Variants in TEX11 observed in about 807,000 individuals in gnomAD.
TEX11 encodes testis-expressed protein 11.
TEX11 carries 7 observed loss-of-function variants against 84.4 expected under a neutral mutation model. The ratio of observed to expected loss-of-function variants is 0.08; its 90% CI spans 0.05 to 0.16. The LOEUF is 0.16. TEX11 is among the 10% of genes least tolerant of loss of function. The pLI is 1.00. For missense variants in TEX11, 551 were observed against 660.5 expected (o/e 0.83, Z 1.82); for synonymous variants, 264 against 222.8 (o/e 1.18, Z -1.64).
chrX:70,552,301 T>G lies in TEX11; in HGVS notation c.2400-55A>C, dbSNP rs777206669. On this transcript the variant is annotated intron_variant, in intron 27 of 29. Transcript: ENST00000374333. ...ATAAGGAAAGAAATCATTGGCTTCATGGCTAAGATAAGTAAAACCTGGATC... is the reference window on the plus strand; with the variant it reads ...ATAAGGAAAGAAATCATTGGCTTCAGGGCTAAGATAAGTAAAACCTGGATC... The G allele has an allele frequency of 2.8e-4, 331 of 1,173,953 alleles. 1 individual carries two copies. In the African/African-American group the frequency reaches 5.6e-3, roughly 20 times the overall value.
At chrX:70,528,483 A>AT (rs141611218), downstream of TEX11, among the ~76,000 whole-genome samples, 1,227 of 96,008 alleles carry the variant, frequency 0.013, 15 homozygotes, top group African/African-American at 0.034. Context: ...ATGCCTGGCT[A>AT]TTTTTTTTTT....
the TEX11 span, among the ~76,000 whole-genome samples, chrX:70,518,654 G>C: frequency 1.8e-5 from 2 of 111,362 alleles, no homozygotes; most frequent in Admixed American, 9.6e-5. Context: ...TGGTGCAGAG[G>C]TGAGTTCAAG....
At chrX:70,526,423 G>T (rs184125821), downstream of TEX11, among the ~76,000 whole-genome samples, 2 of 110,681 alleles carry the variant, frequency 1.8e-5, no homozygotes, top group East Asian at 5.7e-4. Flanking sequence ...ACAAAAATTA[G>T]CCAGGCGTGG....
intron 9 of TEX11, among the ~76,000 whole-genome samples, chrX:70,756,767 G>A (rs967511850): frequency 3.6e-5 from 4 of 112,144 alleles, no homozygotes; most frequent in African/African-American, 1.3e-4. Context: ...TGGAGAAAGA[G>A]TTTGACAAGT....
chrX:70,679,867 C>T (rs1221387544), intron 14 of TEX11, among the ~76,000 whole-genome samples: 1 of 76,608 alleles, frequency 1.3e-5, no homozygotes, highest in Non-Finnish European at 2.6e-5. Flanking sequence ...CCGCCCCGTC[C>T]GGGAGGTGAG....
At chrX:70,823,527 A>G (rs1369478802) in intron 8 of TEX11, among the ~76,000 whole-genome samples, 2 of 111,751 alleles carry the variant, frequency 1.8e-5, no homozygotes. Flanking sequence ...CCTTAAATAC[A>G]TAATAATTTT....
chrX:70,880,565 AAAAC>A (rs200957850), intron 2 of TEX11, among the ~76,000 whole-genome samples: 41,275 of 108,300 alleles, frequency 0.38, 6,839 homozygotes, highest in East Asian at 0.55. Flanking sequence ...CCCTTTCTCT[AAAAC>A]AAACAAACAA....
chrX:70,798,031 G>GT (rs781211387), intron 9 of TEX11, among the ~76,000 whole-genome samples: 2,194 of 102,752 alleles, frequency 0.021, 32 homozygotes, highest in Middle Eastern at 0.053. Context: ...AGATGAGGGG[G>GT]GGGGAAAGGC....
intron 11 of TEX11, among the ~76,000 whole-genome samples, chrX:70,735,295 A>G (rs148337115): frequency 0.071 from 7,887 of 111,080 alleles, 235 homozygotes; most frequent in East Asian, 0.12. Context: ...CAAGTGATCC[A>G]CCCACCTCAG....
chrX:70,687,700 G>A (rs5936957), intron 13 of TEX11, among the ~76,000 whole-genome samples: 46,553 of 109,572 alleles, frequency 0.42, 8,325 homozygotes, highest in East Asian at 0.58. Flanking sequence ...ATAAAGTAGA[G>A]TTATGTGCAG....
At chrX:70,792,018 G>A (rs1329182616) in intron 9 of TEX11, among the ~76,000 whole-genome samples, 6 of 105,330 alleles carry the variant, frequency 5.7e-5, no homozygotes, top group Admixed American at 3.1e-4. Flanking sequence ...CCAGCTACTC[G>A]AGAGGCTGAG....
intron 2 of TEX11, among the ~76,000 whole-genome samples, chrX:70,906,785 C>CAACAAACA (rs56228189): frequency 4.6e-5 from 5 of 107,889 alleles, no homozygotes; most frequent in Admixed American, 4.0e-4. Context: ...AAAACTGTCT[C>CAACAAACA]AACAAACAAA....
At chrX:70,773,246 A>T (rs2090982267) in intron 9 of TEX11, among the ~76,000 whole-genome samples, 1 of 111,003 alleles carries the variant, frequency 9.0e-6, no homozygotes, top group African/African-American at 3.3e-5. Context: ...TAAAAGTCAA[A>T]AAAAAAGGGA....
chrX:70,772,981 T>C (rs2090980492), intron 9 of TEX11, among the ~76,000 whole-genome samples: 1 of 109,690 alleles, frequency 9.1e-6, no homozygotes, highest in Admixed American at 9.8e-5. Context: ...AGAAAGCCTA[T>C]GGAATTTATG....
intron 15 of TEX11, among the ~76,000 whole-genome samples, chrX:70,675,778 C>T (rs1403918990): frequency 1.8e-5 from 2 of 111,223 alleles, no homozygotes; most frequent in African/African-American, 6.6e-5. Flanking sequence ...TACATGCGTG[C>T]ACCACCACAC....
At chrX:70,831,650 A>T (rs2091377530) in intron 8 of TEX11, among the ~76,000 whole-genome samples, 1 of 110,998 alleles carries the variant, frequency 9.0e-6, no homozygotes, top group Non-Finnish European at 1.9e-5. Flanking sequence ...GGGAGGGGTT[A>T]CAAAGTTTCA....
At chrX:70,628,269 T>C (rs767766376) in intron 18 of TEX11, among the ~76,000 whole-genome samples, 1 of 109,702 alleles carries the variant, frequency 9.1e-6, no homozygotes, top group Admixed American at 9.7e-5. Context: ...GCAAAACATC[T>C]GGAATGGTGG....
At chrX:70,652,197 C>T (rs1412221446) in intron 16 of TEX11, among the ~76,000 whole-genome samples, 1 of 111,738 alleles carries the variant, frequency 8.9e-6, no homozygotes, top group Non-Finnish European at 1.9e-5. Flanking sequence ...CTACATTATA[C>T]AGGAAGCTAA....
intron 28 of TEX11, among the ~76,000 whole-genome samples, chrX:70,535,847 A>C (rs2087950576): frequency 9.4e-6 from 1 of 106,662 alleles, no homozygotes; most frequent in South Asian, 4.2e-4. Context: ...CTTCAAGTGA[A>C]CCTCCCACCT....
Sources: allele counts gnomAD v4.1 joint callset (sites outside exome capture counted in the v4.1 genomes callset), GRCh38; gene constraint gnomAD v4.1.1; transcripts MANE v1.5; gene names NCBI Gene and HGNC (gene_info 2026-07-23, HGNC 2026-07-21).